Variants in MYOF observed in about 807,000 individuals in gnomAD.
MYOF encodes myoferlin.
A neutral mutation model predicts 284.2 loss-of-function variants in MYOF; 244 were observed. The ratio of observed to expected loss-of-function variants is 0.86; its 90% confidence interval spans 0.77 to 0.95. The LOEUF (loss-of-function observed/expected upper bound fraction) is 0.95. Among genes scored for constraint, MYOF ranks in the 40% least tolerant of loss-of-function variants. MYOF has a pLI of 0.00. For missense variants in MYOF, 2,496 were observed against 2,560.6 expected, an observed-to-expected ratio of 0.97 and a Z score of 0.54; for synonymous variants, 904 against 919.7, an observed-to-expected ratio of 0.98 and a Z score of 0.31.
chr10:93,408,869 ATGT>A lies in MYOF; in HGVS notation c.644_646del (p.Asn215del), dbSNP rs765684318. 4.3e-6 allele frequency: 7 copies of A among 1,614,146 alleles called. No homozygotes were observed. Among genetic ancestry groups the A allele is most frequent in the Non-Finnish European group, 5.9e-6 (7 of 1,180,020 alleles). ...GACGTGAACTTTGACCACAGGCCTT[ATGT>A]TGTTACCACTTAACTGTCGGCCCTC... is the stretch of plus-strand genomic sequence containing the variant. On this transcript the variant is annotated inframe_deletion, in exon 7 of 54. Transcript: ENST00000359263.
intron 5 of MYOF, among the ~76,000 whole-genome samples, chr10:93,414,320 T>C (rs1313388012): frequency 6.6e-6 from 1 of 152,138 alleles, no homozygotes; most frequent in Non-Finnish European, 1.5e-5. Context: ...GTGGATCACC[T>C]GAGGCCAGGA....
chr10:93,394,979 A>G (rs1426858916), intron 16 of MYOF, among the ~76,000 whole-genome samples: 3 of 151,756 alleles, frequency 2.0e-5, no homozygotes, highest in Non-Finnish European at 2.9e-5. Context: ...TTGAATTAAC[A>G]ATGTTTTTTC....
chr10:93,367,448 T>C (rs779209303), intron 25 of MYOF, among the ~76,000 whole-genome samples: 16 of 152,136 alleles, frequency 1.1e-4, no homozygotes, highest in Non-Finnish European at 1.6e-4. Flanking sequence ...GATTAGGAAA[T>C]TGGAATCAAG....
chr10:93,445,796 C>T (rs1289635544), intron 3 of MYOF, among the ~76,000 whole-genome samples: 1 of 152,166 alleles, frequency 6.6e-6, no homozygotes, highest in Non-Finnish European at 1.5e-5. Flanking sequence ...CAGGCCATCG[C>T]CATGGCAACA....
At chr10:93,395,276 C>T (rs2134060768) in intron 16 of MYOF, among the ~76,000 whole-genome samples, 1 of 152,286 alleles carries the variant, frequency 6.6e-6, no homozygotes, top group African/African-American at 2.4e-5. Flanking sequence ...AACTCTGTCT[C>T]TACTACAAAT....
chr10:93,455,649 C>A (rs926670315), intron 2 of MYOF, among the ~76,000 whole-genome samples: 12 of 151,974 alleles, frequency 7.9e-5, no homozygotes, highest in African/African-American at 2.9e-4. Context: ...TGAGGGAGAC[C>A]CTATCTCAAA....
At chr10:93,432,280 T>C (rs576643143) in intron 3 of MYOF, among the ~76,000 whole-genome samples, 2 of 151,722 alleles carry the variant, frequency 1.3e-5, no homozygotes, top group Non-Finnish European at 2.9e-5. Flanking sequence ...CCCAGCTACA[T>C]GGAAGAATAA....
intron 4 of MYOF, among the ~76,000 whole-genome samples, chr10:93,427,466 G>C (rs1224501613): frequency 6.8e-6 from 1 of 147,022 alleles, no homozygotes; most frequent in Non-Finnish European, 1.5e-5. Context: ...GGGAGGCGGA[G>C]GTTGCAGTGA....
At chr10:93,357,608 T>C (rs1463742554) in intron 29 of MYOF, among the ~76,000 whole-genome samples, 3 of 152,210 alleles carry the variant, frequency 2.0e-5, no homozygotes, top group African/African-American at 7.2e-5. Context: ...TGTGGAATAA[T>C]ATTCAAGACC....
chr10:93,474,259 T>C (rs1418349135), intron 1 of MYOF, among the ~76,000 whole-genome samples: 1 of 152,228 alleles, frequency 6.6e-6, no homozygotes, highest in Non-Finnish European at 1.5e-5. Flanking sequence ...ACTAATCTGC[T>C]GTTCACATTG....
intron 37 of MYOF, 90 bp downstream of exon 37, chr10:93,347,527 C>A: frequency 8.3e-7 from 1 of 1,206,716 alleles, no homozygotes; most frequent in South Asian, 2.1e-5. Context: ...AGTCCGCAGT[C>A]CGGCCTGGGC....
At chr10:93,452,293 C>T (rs1310789655) in intron 2 of MYOF, 152 bp from the exon 3 acceptor site, 4 of 641,620 alleles carry the variant, frequency 6.2e-6, no homozygotes, top group African/African-American at 1.9e-5. Flanking sequence ...AATTCTAAAC[C>T]TGAAGGCAGC....
At chr10:93,318,189 G>T (rs1432142452) in intron 49 of MYOF, among the ~76,000 whole-genome samples, 1 of 152,192 alleles carries the variant, frequency 6.6e-6, no homozygotes, top group Non-Finnish European at 1.5e-5. Flanking sequence ...GGGAGGCCAA[G>T]GTGGGAGAAT....
intron 31 of MYOF, among the ~76,000 whole-genome samples, chr10:93,355,272 A>G (rs913559326): frequency 1.3e-5 from 2 of 152,260 alleles, no homozygotes; most frequent in Admixed American, 6.5e-5. Context: ...TAAGAGTTAC[A>G]GAAGTGGAAT....
chr10:93,361,951 T>G (rs1030116665), intron 27 of MYOF, among the ~76,000 whole-genome samples: 1 of 152,086 alleles, frequency 6.6e-6, no homozygotes, highest in Non-Finnish European at 1.5e-5. Flanking sequence ...CACATGGTTG[T>G]TTGTTTCTTT....
chr10:93,464,483 C>T (rs1230262061), intron 1 of MYOF, among the ~76,000 whole-genome samples: 1 of 152,114 alleles, frequency 6.6e-6, no homozygotes, highest in African/African-American at 2.4e-5. Flanking sequence ...AAATACACAC[C>T]GTCTCACTGA....
At chr10:93,316,908 C>T (rs1293728367) in intron 49 of MYOF, 95 bp from the exon 50 acceptor site, 5 of 924,524 alleles carry the variant, frequency 5.4e-6, no homozygotes, top group East Asian at 2.5e-5. Flanking sequence ...CTCTCCTTTG[C>T]ACCCCCACCC....
intron 5 of MYOF, among the ~76,000 whole-genome samples, chr10:93,425,392 T>A (rs1848541939): frequency 6.6e-6 from 1 of 151,988 alleles, no homozygotes. Flanking sequence ...GGGAAAACAC[T>A]GAGAGGGGGT....
chr10:93,399,494 C>T lies in MYOF; in HGVS notation c.1119G>A (p.Met373Ile), dbSNP rs1365413379. The change falls in exon 13 of 54, where the codon ATG (methionine) becomes ATA (isoleucine). Residue 373 changes from methionine to isoleucine, a missense_variant and splice_region_variant. This residue lies in a region of MYOF where 2,436 missense variants were observed against 2,480.7 expected (regional missense o/e 0.98). Transcript: ENST00000359263. ...TTACTGTCTGTGAGAAGGCATCATC[C>T]ACTGGAAGGTAATAGTTATACAGCA... ...KIYRAEDIPQ[M>I]DDAFSQTVKE... 1.9e-6 allele frequency: 3 copies of T among 1,604,918 alleles called. No individual in the cohort carries two copies. In the South Asian group the frequency reaches 3.3e-5, roughly 18 times the overall value.
Sources: gnomAD v4.1 joint callset for allele counts (sites outside exome capture counted in the v4.1 genomes callset) on GRCh38, gnomAD v4.1.1 for gene constraint, gnomAD v4.1.1 regional missense constraint, MANE v1.5 for transcripts, NCBI Gene and HGNC (gene_info 2026-07-23, HGNC 2026-07-21) for gene names.